NACC1: variants seen among roughly 807,000 people sequenced by gnomAD.
The protein encoded by NACC1 is nucleus accumbens-associated protein 1.
In NACC1, 6 loss-of-function variants were observed where a neutral mutation model predicts 41.7. The observed-to-expected ratio is 0.14, with a 90% CI of 0.08 to 0.28. NACC1 has a LOEUF of 0.28. Ranked by LOEUF, NACC1 falls within the 10% of genes least tolerant of loss-of-function variation. The pLI, the probability that NACC1 is intolerant of heterozygous loss-of-function variation, is 1.00. For missense variants in NACC1, 434 were observed against 763.7 expected (o/e 0.57, Z 5.09); for synonymous variants, 338 against 330.6 (o/e 1.02, Z -0.24).
Position 13,137,458 on chromosome 19 carries a change from T to A in NACC1, c.1227-20T>A. ...ACCACCAACTTGAGCGCTGACTCCC[T>A]CCATGTCCCCTGCCCCCAGGAACAC... On this transcript the variant is annotated intron_variant, in intron 4 of 5. Coordinates refer to ENST00000292431, the MANE Select transcript of NACC1 (RefSeq NM_052876.4). The surrounding 1 kb of genome is among the most constrained non-coding windows in gnomAD (Gnocchi z 6.1). The A allele has an allele frequency of 6.2e-7, 1 of 1,608,372 alleles. No homozygotes were observed. The highest frequency in any genetic ancestry group is 8.5e-7 in the Non-Finnish European group (1 of 1,177,128).
chr19:13,134,940 C>G (rs955025240), intron 1 of NACC1, among the ~76,000 whole-genome samples: 1 of 152,236 alleles, frequency 6.6e-6, no homozygotes, highest in Non-Finnish European at 1.5e-5. Flanking sequence ...TTGCCCCCTC[C>G]TCTTTGCAAG....
In NACC1 at chr19:13,138,112, C is replaced by G; in HGVS notation, c.1325-35C>G. Reference sequence around the variant, plus strand: ...GTAGGCCTTGTGGGAGTCACCTGGCCCCCGTGCCAAGGCCGCACCCACCCT... The same window carrying G: ...GTAGGCCTTGTGGGAGTCACCTGGCGCCCGTGCCAAGGCCGCACCCACCCT... On this transcript the variant is annotated intron_variant, in intron 5 of 5. Transcript: ENST00000292431. The surrounding 1 kb of genome is among the most constrained non-coding windows in gnomAD (Gnocchi z 5.7). 6.2e-7 allele frequency: 1 copy of G among 1,604,688 alleles called. No individual in the cohort carries two copies. Among genetic ancestry groups the G allele is most frequent in the Non-Finnish European group, 8.5e-7 (1 of 1,173,838 alleles).
At position 13,127,371 on chromosome 19, in the gene NACC1, C is replaced by CTTTTTTTTTTTTTTTT. The variant is rs147514422; in HGVS notation, c.-8-7815_-8-7800dup. Reference sequence around the variant, plus strand: ...AAAAAAAAGCATACATATACATATACTTTTTTTTTTTTTTTTTTTTTTTTT... The same window carrying CTTTTTTTTTTTTTTTT: ...AAAAAAAAGCATACATATACATATACTTTTTTTTTTTTTTTTTTTTTTTTTTTTTTTTTTTTTTTTT... On this transcript the variant is annotated intron_variant, in intron 1 of 5. Coordinates refer to ENST00000292431, the MANE Select transcript of NACC1 (RefSeq NM_052876.4). Among the ~76,000 whole-genome samples the CTTTTTTTTTTTTTTTT allele has an allele frequency of 1.0e-3, 29 of 28,518 alleles. 6 individuals are homozygous for CTTTTTTTTTTTTTTTT. The highest frequency in any genetic ancestry group is 2.0e-3 in the East Asian group (2 of 980). The allele number at this position is 28,518 out of a possible 152,430, so 18.7% of individuals were successfully genotyped here. A position where few individuals can be genotyped will look rare whatever the true frequency, so the allele number is the denominator to read the frequency against.
chr19:13,129,171 C>T (rs1824938012), intron 1 of NACC1, among the ~76,000 whole-genome samples: 1 of 152,088 alleles, frequency 6.6e-6, no homozygotes, highest in Admixed American at 6.5e-5. Flanking sequence ...GCAAAGGCCT[C>T]GCTGCAGTAG....
intron 1 of NACC1, among the ~76,000 whole-genome samples, chr19:13,127,926 G>A (rs1392429542): frequency 6.6e-6 from 1 of 152,128 alleles, no homozygotes; most frequent in Non-Finnish European, 1.5e-5. Context: ...TCCCATTCTA[G>A]TAGGTCCGAG....
chr19:13,134,540 T>A (rs372802854), intron 1 of NACC1, among the ~76,000 whole-genome samples: 11 of 152,176 alleles, frequency 7.2e-5, no homozygotes, highest in African/African-American at 2.6e-4. Context: ...CTGGCTAATT[T>A]TTGTATTTTT....
chr19:13,119,607 C>T (rs980157281), intron 1 of NACC1, among the ~76,000 whole-genome samples: 2 of 152,192 alleles, frequency 1.3e-5, no homozygotes, highest in Non-Finnish European at 2.9e-5. Context: ...GCCTCCCAGG[C>T]ACCAACTCCT....
chr19:13,119,014 G>A (rs2019452833), intron 1 of NACC1, among the ~76,000 whole-genome samples: 2 of 151,278 alleles, frequency 1.3e-5, no homozygotes, highest in South Asian at 4.2e-4. Context: ...TCGTGTGGGG[G>A]CGGATAGGAG....
At position 13,136,219 on chromosome 19, in the gene NACC1, T is replaced by A. The variant is rs780416686; in HGVS notation, c.947-13T>A. ...GCTCCTCCTGCCACTCGCGTGCCAC[T>A]CTCTCCCTGCAGCCGAGAAGGTGGA... On this transcript the variant is annotated splice_polypyrimidine_tract_variant and intron_variant, in intron 2 of 5. Transcript: ENST00000292431. The surrounding 1 kb of genome is among the most constrained non-coding windows in gnomAD (Gnocchi z 5.5). 1.9e-6 allele frequency: 3 copies of A among 1,608,792 alleles called. 1 individual carries two copies. Among genetic ancestry groups the A allele is most frequent in the Non-Finnish European group, 2.5e-6 (3 of 1,176,814 alleles).
chr19:13,117,547 TTTTCTTTC>T (rs201568186), upstream of NACC1: 1 of 150,556 alleles, frequency 6.6e-6, no homozygotes, highest in East Asian at 1.9e-4. Context: ...CTGTGCCTCC[TTTTCTTTC>T]TTTCTTTCTT....
chr19:13,134,672 T>C (rs1034031496), intron 1 of NACC1, among the ~76,000 whole-genome samples: 5 of 152,212 alleles, frequency 3.3e-5, no homozygotes, highest in African/African-American at 4.8e-5. Flanking sequence ...CCTGACCTCA[T>C]GTAATTTCTT....
chr19:13,133,257 C>G (rs2019655661), intron 1 of NACC1, among the ~76,000 whole-genome samples: 1 of 152,094 alleles, frequency 6.6e-6, no homozygotes, highest in African/African-American at 2.4e-5. Flanking sequence ...GACCACTGCC[C>G]TCTAGAGACC....
intron 1 of NACC1, among the ~76,000 whole-genome samples, chr19:13,125,505 C>T (rs1184160915): frequency 6.6e-6 from 1 of 151,396 alleles, no homozygotes; most frequent in Non-Finnish European, 1.5e-5. Context: ...ACCGCATCCT[C>T]CGCCTCCCAG....
chr19:13,138,026 G>T lies in NACC1; in HGVS notation c.1325-121G>T. The T allele has an allele frequency of 7.0e-7, 1 of 1,429,568 alleles. No homozygotes were observed. The highest frequency in any genetic ancestry group is 9.5e-7 in the Non-Finnish European group (1 of 1,047,290). 88.6% of individuals were successfully genotyped at this position (1,429,568 alleles called of 1,614,324 possible). On this transcript the variant is annotated intron_variant, in intron 5 of 5. Coordinates refer to ENST00000292431, the MANE Select transcript of NACC1 (RefSeq NM_052876.4). This position sits in a 1 kb window ranked among gnomAD's most constrained non-coding sequence, Gnocchi z 5.7. ...GTGCACGTAGTGTGGTGTCCTGGCC[G>T]CGTGGCCTCACTCGTTTCCCCTTTG...
chr19:13,132,113 G>A (rs1367367387), intron 1 of NACC1, among the ~76,000 whole-genome samples: 2 of 151,292 alleles, frequency 1.3e-5, no homozygotes, highest in East Asian at 4.0e-4. Flanking sequence ...CACCTGACTC[G>A]GCCTCCCAAA....
chr19:13,130,769 C>G (rs2019624714), intron 1 of NACC1, among the ~76,000 whole-genome samples: 1 of 152,218 alleles, frequency 6.6e-6, no homozygotes, highest in Non-Finnish European at 1.5e-5. Context: ...CTCCTGACCT[C>G]AGGTGATCTG....
At position 13,136,432 on chromosome 19, in the gene NACC1, C is replaced by A. The variant is rs2019708532; in HGVS notation, c.1120+27C>A. 1 of 1,591,366 alleles carries A rather than the reference C, an allele frequency of 6.3e-7. No homozygotes were observed. The highest frequency in any genetic ancestry group is 1.7e-5 in the Admixed American group (1 of 57,996). On this transcript the variant is annotated intron_variant, in intron 3 of 5. Transcript: ENST00000292431. This position sits in a 1 kb window ranked among gnomAD's most constrained non-coding sequence, Gnocchi z 5.5. ...TGGGCCGGTCTCGCCCCAGATCTCT[C>A]CCCTCCGCAGCTTTGGAGCCGGCTG...
In NACC1 at chr19:13,137,293, G is replaced by A; in HGVS notation, c.1143G>A (p.Arg381=). ...LVTGTNVYIT[R]AQLMNCHVSA... ...CAGGCACCAACGTGTACATCACAAG[G>A]GCGCAGCTGATGAACTGCCACGTCA... Residue 381 remains arginine, a synonymous_variant, in exon 4 of 6, where the codon AGG becomes AGA. Transcript: ENST00000292431. The surrounding 1 kb of genome is among the most constrained non-coding windows in gnomAD (Gnocchi z 6.1). The A allele has an allele frequency of 6.2e-7, 1 of 1,613,850 alleles. No homozygotes were observed. The highest frequency in any genetic ancestry group is 1.3e-5 in the African/African-American group (1 of 75,060).
chr19:13,138,276 A>G lies in NACC1; in HGVS notation c.1454A>G (p.Glu485Gly). The stretch of plus-strand genomic sequence containing the variant: ...CCCAAGGTCAAGGTGCTCAAGGCTG[A>G]GGATGACGCCTACACCACCTTCATC... Reference protein sequence around the residue: ...WMPKVKVLKAEDDAYTTFISE... With the variant: ...WMPKVKVLKAGDDAYTTFISE... Residue 485 changes from glutamate to glycine, a missense_variant, in exon 6 of 6, where the codon GAG becomes GGG. Physicochemically the swap from Glu to Gly is moderately conservative, Grantham distance 98. Coordinates refer to ENST00000292431, the MANE Select transcript of NACC1 (RefSeq NM_052876.4). This position sits in a 1 kb window ranked among gnomAD's most constrained non-coding sequence, Gnocchi z 5.7. The G allele has an allele frequency of 6.2e-7, 1 of 1,614,210 alleles. No homozygotes were observed. Among genetic ancestry groups the G allele is most frequent in the Non-Finnish European group, 8.5e-7 (1 of 1,180,034 alleles).
Sources: allele counts gnomAD v4.1 joint callset (sites outside exome capture counted in the v4.1 genomes callset), GRCh38; gene constraint gnomAD v4.1.1; non-coding constraint Gnocchi (gnomAD v3.1); transcripts MANE v1.5; gene names NCBI Gene and HGNC (gene_info 2026-07-23, HGNC 2026-07-21).